PRKCZ: variants seen among roughly 807,000 people sequenced by gnomAD.
PRKCZ encodes protein kinase C zeta type.
A neutral mutation model predicts 79.5 loss-of-function variants in PRKCZ; 33 were observed. The ratio of observed to expected loss-of-function variants is 0.41; its 90% CI spans 0.31 to 0.55. The LOEUF is 0.55. PRKCZ is among the 20% of genes least tolerant of loss of function. The probability of loss-of-function intolerance (pLI) is 0.19; values close to 1 mark genes in which losing one functional copy is unlikely to be tolerated. For missense variants in PRKCZ, 578 were observed against 813.5 expected (o/e 0.71, Z 3.52); for synonymous variants, 342 against 320.9 (o/e 1.07, Z -0.70).
chr1:2,135,424 A>C, intron 5 of PRKCZ, 77 bp downstream of exon 5: 1 of 1,348,376 alleles, frequency 7.4e-7, no homozygotes, highest in South Asian at 1.3e-5. Flanking sequence ...GAGGGGAGGC[A>C]CGTCCCGCTG....
rs766853692 is a variant in PRKCZ, at chr1:2,165,824, G to C, written c.975-3694G>C. Among the ~76,000 whole-genome samples the C allele has an allele frequency of 3.9e-5, 6 of 152,192 alleles. No individual in the cohort carries two copies. Among genetic ancestry groups the C allele is most frequent in the Admixed American group, 6.5e-5 (1 of 15,288 alleles). On this transcript the variant is annotated intron_variant, in intron 10 of 17. Transcript: ENST00000378567. This position sits in a 1 kb window ranked among gnomAD's most constrained non-coding sequence, Gnocchi z 4.1. The stretch of plus-strand genomic sequence containing the variant: ...GCCGGGCACCTTGCATTCCTGGAAG[G>C]GGTGGGGGGAGTGGCGAGGAGGGGG...
At chr1:2,078,482 A>C (rs566421225) in intron 4 of PRKCZ, among the ~76,000 whole-genome samples, 164 of 152,216 alleles carry the variant, frequency 1.1e-3, no homozygotes, top group Non-Finnish European at 2.1e-3. Flanking sequence ...GTCTTGTAGA[A>C]TCTTTTGTCT....
At chr1:2,154,336 A>G (rs928502893) in intron 9 of PRKCZ, among the ~76,000 whole-genome samples, 4 of 152,124 alleles carry the variant, frequency 2.6e-5, no homozygotes, top group Non-Finnish European at 5.9e-5. Flanking sequence ...TCGGCGTGGA[A>G]AGATGAGACT....
chr1:2,109,448 C>A (rs1037831075), intron 4 of PRKCZ, among the ~76,000 whole-genome samples: 1 of 152,242 alleles, frequency 6.6e-6, no homozygotes, highest in South Asian at 2.1e-4. Flanking sequence ...GCTCCGTCCT[C>A]CTCACTGAAT....
intron 4 of PRKCZ, among the ~76,000 whole-genome samples, chr1:2,080,432 G>C (rs1193986718): frequency 1.4e-5 from 2 of 146,940 alleles, no homozygotes; most frequent in African/African-American, 5.5e-5. Context: ...GTTTTAAGGA[G>C]GGCAAAGGCC....
rs1483917705 is a variant in PRKCZ at position 2,171,386 on chromosome 1, G to T, written c.1062-669G>T. Among the ~76,000 whole-genome samples the T allele has an allele frequency of 9.9e-3, 932 of 94,498 alleles. 9 individuals carry two copies. Among genetic ancestry groups the T allele is most frequent in the African/African-American group, 0.032 (773 of 24,528 alleles). 62.0% of individuals were successfully genotyped at this position (94,498 alleles called of 152,430 possible). A position where few individuals can be genotyped will look rare whatever the true frequency, so the allele number is the denominator to read the frequency against. Reference sequence around the variant, plus strand: ...TCATATTTAATTTTTTTTTTTTTTTGATGGAGTCTCGCTCTGTCACCCAGG... The same window carrying T: ...TCATATTTAATTTTTTTTTTTTTTTTATGGAGTCTCGCTCTGTCACCCAGG... On this transcript the variant is annotated intron_variant, in intron 11 of 17. Coordinates refer to ENST00000378567, the MANE Select transcript of PRKCZ (RefSeq NM_002744.6).
In PRKCZ at chr1:2,144,444, AG is replaced by A. The variant is rs1678066991; in HGVS notation, c.552+107del. ...CCTTGGTGACCCTGGGTTCTTCAAG[AG>A]GGGCCGTGGTGCCGTCCTAGCTCTG... On this transcript the variant is annotated intron_variant, in intron 6 of 17. Coordinates refer to ENST00000378567, the MANE Select transcript of PRKCZ (RefSeq NM_002744.6). 13 of 1,495,818 alleles carry A rather than the reference AG, an allele frequency of 8.7e-6. No homozygotes were observed. In the South Asian group the frequency reaches 9.2e-5, roughly 11 times the overall value. 92.7% of individuals were successfully genotyped at this position (1,495,818 alleles called of 1,614,324 possible).
rs1166429725 is a variant in PRKCZ, at chr1:2,094,868, C to G, written c.334+35277C>G. ...TTTCTGGAGCTGCAGAGTCACTTCTCTTAGAGCCTGGTTTTGGCCCTCTCT... is the reference window on the plus strand; with the variant it reads ...TTTCTGGAGCTGCAGAGTCACTTCTGTTAGAGCCTGGTTTTGGCCCTCTCT... On this transcript the variant is annotated intron_variant, in intron 4 of 17. Coordinates refer to ENST00000378567, the MANE Select transcript of PRKCZ (RefSeq NM_002744.6). This position sits in a 1 kb window ranked among gnomAD's most constrained non-coding sequence, Gnocchi z 7.3. 2.0e-5 allele frequency among the ~76,000 whole-genome samples: 3 copies of G among 152,202 alleles called. No homozygotes were observed. The highest frequency in any genetic ancestry group is 1.5e-5 in the Non-Finnish European group (1 of 68,040).
intron 4 of PRKCZ, among the ~76,000 whole-genome samples, chr1:2,102,162 G>A (rs933755146): frequency 2.0e-5 from 3 of 152,160 alleles, no homozygotes; most frequent in Non-Finnish European, 4.4e-5. Context: ...GAGCGGGTAG[G>A]CAGCCCCTGG....
At position 2,064,341 on chromosome 1, in the gene PRKCZ, C is replaced by T. The variant is rs560695939; in HGVS notation, c.334+4750C>T. 1.3e-4 allele frequency among the ~76,000 whole-genome samples: 20 copies of T among 152,152 alleles called. No individual in the cohort carries two copies. In the East Asian group the frequency reaches 3.9e-3, roughly 29 times the overall value. ...TTGTTTTTTTACTTTGTTGATAGTG[C>T]CTTTTGATGGACAAAGTTTTAAAAT... On this transcript the variant is annotated intron_variant, in intron 4 of 17. Transcript: ENST00000378567.
chr1:2,150,044 C>A (rs1196570979), intron 8 of PRKCZ, among the ~76,000 whole-genome samples: 1 of 151,234 alleles, frequency 6.6e-6, no homozygotes, highest in East Asian at 1.9e-4. Flanking sequence ...CGCCTGTAGT[C>A]CCAGCTACTG....
At chr1:2,163,350 G>A (rs1682687094) in intron 10 of PRKCZ, among the ~76,000 whole-genome samples, 1 of 152,214 alleles carries the variant, frequency 6.6e-6, no homozygotes. Context: ...AGCTGTCCCT[G>A]CCTGAGCTGT....
At chr1:2,098,595 A>G (rs1043852098) in intron 4 of PRKCZ, 2 of 152,246 alleles carry the variant, frequency 1.3e-5, no homozygotes, top group Admixed American at 6.5e-5. Context: ...GGCCTTGTAG[A>G]AAACTCATTC....
rs770540424 is a variant in PRKCZ at position 2,165,493 on chromosome 1, G to A, written c.975-4025G>A. On this transcript the variant is annotated intron_variant, in intron 10 of 17. Coordinates refer to ENST00000378567, the MANE Select transcript of PRKCZ (RefSeq NM_002744.6). The surrounding 1 kb of genome is among the most constrained non-coding windows in gnomAD (Gnocchi z 4.1). ...ACTTCCTGGTGATGGGGTCAAGTGCGTTAACACAGAGGGACTTGGAGACTG... is the reference window on the plus strand; with the variant it reads ...ACTTCCTGGTGATGGGGTCAAGTGCATTAACACAGAGGGACTTGGAGACTG... Among the ~76,000 whole-genome samples the A allele has an allele frequency of 2.0e-5, 3 of 152,344 alleles. No individual in the cohort carries two copies. Among genetic ancestry groups the A allele is most frequent in the African/African-American group, 7.2e-5 (3 of 41,582 alleles).
intron 10 of PRKCZ, chr1:2,156,377 A>C: frequency 3.1e-6 from 1 of 326,884 alleles, no homozygotes; most frequent in East Asian, 6.7e-5. Context: ...AGTAAGCAAA[A>C]GAGGTGGATT....
chr1:2,123,701 GTAGT>G lies in PRKCZ; in HGVS notation c.335-11557_335-11554del, dbSNP rs1337077464. Among the ~76,000 whole-genome samples, 2 of 29,442 alleles carry G rather than the reference GTAGT, an allele frequency of 6.8e-5. 1 individual carries two copies. 19.3% of individuals were successfully genotyped at this position (29,442 alleles called of 152,430 possible). A position where few individuals can be genotyped will look rare whatever the true frequency, so the allele number is the denominator to read the frequency against. ...CACGGCGGTGGTTAGGGTCACGGTGGTAGTTAGGGTGGTGGTGGTTAGGGTCACG... is the reference window on the plus strand; with the variant it reads ...CACGGCGGTGGTTAGGGTCACGGTGGTAGGGTGGTGGTGGTTAGGGTCACG... On this transcript the variant is annotated intron_variant, in intron 4 of 17. Transcript: ENST00000378567.
intron 10 of PRKCZ, among the ~76,000 whole-genome samples, chr1:2,164,673 C>T (rs1303739984): frequency 6.6e-6 from 1 of 152,212 alleles, no homozygotes; most frequent in Non-Finnish European, 1.5e-5. Flanking sequence ...TCTAGCTTCC[C>T]TTTCTTGTGC....
intron 4 of PRKCZ, among the ~76,000 whole-genome samples, chr1:2,072,614 G>A (rs903351799): frequency 2.6e-5 from 4 of 152,198 alleles, no homozygotes; most frequent in Non-Finnish European, 4.4e-5. Flanking sequence ...GGCGACTGGG[G>A]GCCCGTGTAG....
At chr1:2,129,694 A>G (rs1235179584) in intron 4 of PRKCZ, among the ~76,000 whole-genome samples, 1 of 152,118 alleles carries the variant, frequency 6.6e-6, no homozygotes, top group Non-Finnish European at 1.5e-5. Context: ...AAAATAGTCT[A>G]TTAAAAAAGA....
Sources: allele counts gnomAD v4.1 joint callset (sites outside exome capture counted in the v4.1 genomes callset), GRCh38; gene constraint gnomAD v4.1.1; non-coding constraint Gnocchi (gnomAD v3.1); transcripts MANE v1.5; gene names NCBI Gene and HGNC (gene_info 2026-07-23, HGNC 2026-07-21).